The following BAALC variants were observed in gnomAD, a reference collection of about 807,000 sequenced individuals.
BAALC encodes brain and acute leukemia cytoplasmic protein.
BAALC carries 9 observed loss-of-function variants against 15.5 expected under a neutral mutation model. The observed-to-expected ratio is 0.58, with a 90% CI of 0.35 to 1.02. BAALC has a LOEUF of 1.02. Ranked by LOEUF, BAALC falls within the 50% of genes least tolerant of loss-of-function variation. The pLI, the probability that BAALC is intolerant of heterozygous loss-of-function variation, is 0.02. For synonymous variants in BAALC, 80 were observed against 74.6 expected (o/e 1.07, Z -0.37); for missense variants, 201 against 192.4 (o/e 1.04, Z -0.27).
chr8:103,224,211 C>T (rs1812747551), intron 2 of BAALC, among the ~76,000 whole-genome samples: 1 of 151,960 alleles, frequency 6.6e-6, no homozygotes, highest in African/African-American at 2.4e-5. Flanking sequence ...GAGTCAAACT[C>T]TGTAAAATAT....
intron 1 of BAALC, among the ~76,000 whole-genome samples, chr8:103,182,247 A>C (rs563285320): frequency 1.8e-4 from 28 of 152,230 alleles, no homozygotes; most frequent in African/African-American, 6.5e-4. Context: ...CCAGTATCCT[A>C]CTGTTTAGAT....
rs2130108523 is a variant in BAALC at position 103,228,240 on chromosome 8, C to T, written c.*141C>T. The T allele has an allele frequency of 1.6e-6, 1 of 617,034 alleles. No homozygotes were observed. The highest frequency in any genetic ancestry group is 2.8e-4 in the Middle Eastern group (1 of 3,612). The allele number at this position is 617,034 out of a possible 1,614,324, so 38.2% of individuals were successfully genotyped here. A position where few individuals can be genotyped will look rare whatever the true frequency, so the allele number is the denominator to read the frequency against. On this transcript the variant is annotated 3_prime_UTR_variant, in exon 3 of 3. Coordinates refer to ENST00000309982, the MANE Select transcript of BAALC (RefSeq NM_024812.3). ...TCCCTGGCAAGACTGTCTTACCTGG[C>T]AGCAAACTGCTGCCTGATTTGTTGG...
At chr8:103,169,215 A>T (rs1365416081) in intron 1 of BAALC, among the ~76,000 whole-genome samples, 1 of 150,514 alleles carries the variant, frequency 6.6e-6, no homozygotes, top group African/African-American at 2.5e-5. Flanking sequence ...TTTCTTTTGA[A>T]TTTTTCATTC....
chr8:103,152,014 C>A (rs747510709), intron 1 of BAALC, among the ~76,000 whole-genome samples: 1 of 152,074 alleles, frequency 6.6e-6, no homozygotes, highest in Non-Finnish European at 1.5e-5. Context: ...AAGCCACATC[C>A]GTCTTCCACT....
chr8:103,185,711 CTG>C (rs1467926719), intron 1 of BAALC, among the ~76,000 whole-genome samples: 2 of 152,186 alleles, frequency 1.3e-5, no homozygotes, highest in African/African-American at 4.8e-5. Context: ...CTCTGTGATA[CTG>C]TGTTTCTTTC....
Position 103,141,071 on chromosome 8 carries a change from C to A in BAALC, c.160+14C>A. On this transcript the variant is annotated intron_variant, in intron 1 of 2. Transcript: ENST00000309982. ...GCCTGCACTCGGGTAAGTGGCCGGGCCCCTGCAGACCCTCGCCCGCCCGCT... is the reference window on the plus strand; with the variant it reads ...GCCTGCACTCGGGTAAGTGGCCGGGACCCTGCAGACCCTCGCCCGCCCGCT... 6.9e-7 allele frequency: 1 copy of A among 1,444,148 alleles called. No homozygotes were observed. The highest frequency in any genetic ancestry group is 1.5e-5 in the South Asian group (1 of 68,768). 89.5% of individuals were successfully genotyped at this position (1,444,148 alleles called of 1,614,324 possible).
At chr8:103,217,705 C>T (rs1339572355) in intron 2 of BAALC, among the ~76,000 whole-genome samples, 1 of 152,198 alleles carries the variant, frequency 6.6e-6, no homozygotes, top group Non-Finnish European at 1.5e-5. Flanking sequence ...TCCTCATCCA[C>T]AGGCCTACTG....
At chr8:103,195,279 A>G (rs1812066515) in intron 1 of BAALC, among the ~76,000 whole-genome samples, 1 of 152,104 alleles carries the variant, frequency 6.6e-6, no homozygotes, top group Admixed American at 6.6e-5. Flanking sequence ...CCCCAGCCCC[A>G]TCACCAAGCT....
intron 1 of BAALC, among the ~76,000 whole-genome samples, chr8:103,162,861 G>A (rs142492829): frequency 2.1e-3 from 322 of 152,228 alleles, no homozygotes; most frequent in African/African-American, 7.4e-3. Context: ...AACAAAGGAC[G>A]TTACAACTGT....
chr8:103,162,085 C>T (rs1811238799), intron 1 of BAALC, among the ~76,000 whole-genome samples: 1 of 152,158 alleles, frequency 6.6e-6, no homozygotes, highest in Admixed American at 6.6e-5. Flanking sequence ...CTCAGCCTCC[C>T]AAGTAGCTGG....
chr8:103,183,216 T>C (rs762652372), intron 1 of BAALC: 13 of 642,504 alleles, frequency 2.0e-5, no homozygotes, highest in African/African-American at 1.3e-4. Context: ...AGAGTGAAAA[T>C]GGCTGTTGGG....
At chr8:103,189,743 T>A (rs1462251833) in intron 1 of BAALC, among the ~76,000 whole-genome samples, 1 of 152,230 alleles carries the variant, frequency 6.6e-6, no homozygotes, top group Non-Finnish European at 1.5e-5. Flanking sequence ...GATACTCACC[T>A]GACCAGAACC....
At chr8:103,164,796 T>G (rs1811308616) in intron 1 of BAALC, among the ~76,000 whole-genome samples, 1 of 152,208 alleles carries the variant, frequency 6.6e-6, no homozygotes, top group Admixed American at 6.5e-5. Context: ...AATCTCTGTT[T>G]TCCCCATACG....
At chr8:103,215,010 C>G (rs2130071877) in intron 2 of BAALC, 1 of 152,328 alleles carries the variant, frequency 6.6e-6, no homozygotes, top group East Asian at 1.9e-4. Context: ...GACTGCTCTA[C>G]CACAGGCCCA....
At chr8:103,204,022 A>G (rs1190788144) in intron 1 of BAALC, among the ~76,000 whole-genome samples, 1 of 152,196 alleles carries the variant, frequency 6.6e-6, no homozygotes, top group Non-Finnish European at 1.5e-5. Context: ...CAGCTGTACC[A>G]TTTAGTCTTC....
chr8:103,157,495 A>G (rs1001117417), intron 1 of BAALC, among the ~76,000 whole-genome samples: 15 of 152,196 alleles, frequency 9.9e-5, no homozygotes, highest in South Asian at 2.1e-4. Flanking sequence ...ATGAATCTCT[A>G]AGAAATTAGG....
intron 1 of BAALC, among the ~76,000 whole-genome samples, chr8:103,185,731 A>G (rs1811820879): frequency 6.6e-6 from 1 of 152,206 alleles, no homozygotes; most frequent in African/African-American, 2.4e-5. Context: ...TTCCTCCCCA[A>G]AATGGTACCA....
rs758608273 is a variant in BAALC at position 103,140,996 on chromosome 8, G to C, written c.99G>C (p.Ser33=). The part of the protein sequence containing the change: ...TESTWLTYTD[S]DAPPSAAAPD... ...CCACCTGGCTCACCTACACCGACTC[G>C]GACGCGCCGCCCAGCGCCGCCGCCC... The change falls in exon 1 of 3, where the codon TCG becomes TCC. Residue 33 remains serine (S), a synonymous_variant. Coordinates refer to ENST00000309982, the MANE Select transcript of BAALC (RefSeq NM_024812.3). The surrounding 1 kb of genome is among the most constrained non-coding windows in gnomAD (Gnocchi z 4.2). 1 of 1,529,604 alleles carries C rather than the reference G, an allele frequency of 6.5e-7. No individual in the cohort carries two copies. The highest frequency in any genetic ancestry group is 8.8e-7 in the Non-Finnish European group (1 of 1,139,182). The allele number at this position is 1,529,604 out of a possible 1,614,324, so 94.8% of individuals were successfully genotyped here. A position where few individuals can be genotyped will look rare whatever the true frequency, so the allele number is the denominator to read the frequency against.
chr8:103,172,162 TG>T (rs1811511235), intron 1 of BAALC: 1 of 149,550 alleles, frequency 6.7e-6, no homozygotes, highest in Non-Finnish European at 1.5e-5. Flanking sequence ...GGGAAGTGTT[TG>T]GGAAATTGGA....
Sources: allele counts gnomAD v4.1 joint callset (sites outside exome capture counted in the v4.1 genomes callset), GRCh38; gene constraint gnomAD v4.1.1; non-coding constraint Gnocchi (gnomAD v3.1); transcripts MANE v1.5; gene names NCBI Gene and HGNC (gene_info 2026-07-23, HGNC 2026-07-21).